TDP1: variants seen among roughly 807,000 people sequenced by gnomAD.
The protein encoded by TDP1 is tyrosyl-DNA phosphodiesterase 1.
Under a neutral mutation model 81.5 loss-of-function variants are expected in TDP1, and 64 were observed. The observed-to-expected ratio is 0.79, with a 90% CI of 0.64 to 0.97. The LOEUF (loss-of-function observed/expected upper bound fraction) is 0.97. TDP1 is among the 50% of genes least tolerant of loss of function. The pLI is 0.00. For synonymous variants in TDP1, 256 were observed against 264.3 expected, an observed-to-expected ratio of 0.97 and a Z score of 0.30; for missense variants, 723 against 743.8, an observed-to-expected ratio of 0.97 and a Z score of 0.33.
intron 16 of TDP1, among the ~76,000 whole-genome samples, chr14:90,036,733 C>T (rs1300502728): frequency 6.6e-6 from 1 of 151,978 alleles, no homozygotes; most frequent in African/African-American, 2.4e-5. Context: ...ATCAAACTTA[C>T]ATTCCTCTTC....
At chr14:90,039,879 C>A (rs1291156869) in intron 16 of TDP1, among the ~76,000 whole-genome samples, 1 of 152,094 alleles carries the variant, frequency 6.6e-6, no homozygotes, top group Non-Finnish European at 1.5e-5. Flanking sequence ...TAGTACAATC[C>A]CCAATTTCCA....
rs763611818 is a variant in TDP1, at chr14:89,967,397, G to T, written c.634G>T (p.Val212Leu). Reference sequence around the variant, plus strand: ...CTACTGCTTTGACGTGGACTGGCTCGTAAAACAGTATCCACCAGAGTTCAG... The same window carrying T: ...CTACTGCTTTGACGTGGACTGGCTCTTAAAACAGTATCCACCAGAGTTCAG... Reference protein sequence around the residue: ...FNYCFDVDWLVKQYPPEFRKK... With the variant: ...FNYCFDVDWLLKQYPPEFRKK... The change falls in exon 5 of 17, where the codon GTA becomes TTA. Residue 212 changes from valine to leucine, a missense_variant. Transcript: ENST00000335725. The T allele has an allele frequency of 1.2e-6, 2 of 1,609,752 alleles. No homozygotes were observed. The highest frequency in any genetic ancestry group is 1.3e-5 in the African/African-American group (1 of 74,750).
chr14:89,989,453 T>A lies in TDP1; in HGVS notation c.1318-264T>A, dbSNP rs368454985. 1.4e-5 allele frequency: 14 copies of A among 978,030 alleles called. No individual in the cohort carries two copies. In the East Asian group the frequency reaches 1.0e-3, roughly 72 times the overall value. 60.6% of individuals were successfully genotyped at this position (978,030 alleles called of 1,614,324 possible). On this transcript the variant is annotated intron_variant, in intron 11 of 16. Transcript: ENST00000335725. ...TTTAATTATTTAGAGAACTGTGAATTAATAATTAATTTTCCATTCAATGTT... is the reference window on the plus strand; with the variant it reads ...TTTAATTATTTAGAGAACTGTGAATAAATAATTAATTTTCCATTCAATGTT...
intron 14 of TDP1, among the ~76,000 whole-genome samples, chr14:90,011,542 G>A (rs116641621): frequency 0.039 from 5,877 of 152,224 alleles, 359 homozygotes; most frequent in African/African-American, 0.13. Context: ...TGAAGTCTAG[G>A]CTAACATGTT....
At chr14:89,998,420 A>ATGTATGTATGTATGTATG (rs1555390633) in intron 14 of TDP1, among the ~76,000 whole-genome samples, 2 of 79,284 alleles carry the variant, frequency 2.5e-5, no homozygotes, top group African/African-American at 1.3e-4. Context: ...ATATATATAT[A>ATGTATGTATGTATGTATG]TATGTATGTA....
rs745330927 is a variant in TDP1, at chr14:89,993,466, T to C, written c.1524T>C (p.Ala508=). 9 of 1,613,494 alleles carry C rather than the reference T, an allele frequency of 5.6e-6. No individual in the cohort carries two copies. Among genetic ancestry groups the C allele is most frequent in the Non-Finnish European group, 7.6e-6 (9 of 1,179,660 alleles). ...MRPSPDFSKI[A]WFLVTSANLS... ...CTTCTCCAGACTTCAGTAAAATTGC[T>C]TGGTTCCTTGTCACAAGGTAAATAG... Residue 508 remains alanine, a synonymous_variant, in exon 14 of 17, where the codon GCT becomes GCC. Coordinates refer to ENST00000335725, the MANE Select transcript of TDP1 (RefSeq NM_018319.4).
chr14:90,024,851 G>A (rs935571419), intron 15 of TDP1, among the ~76,000 whole-genome samples: 1 of 152,136 alleles, frequency 6.6e-6, no homozygotes, highest in Non-Finnish European at 1.5e-5. Context: ...TCCCTGTTCA[G>A]TACCAGCAAG....
intron 10 of TDP1, among the ~76,000 whole-genome samples, chr14:89,986,623 G>T (rs893365866): frequency 6.6e-6 from 1 of 152,222 alleles, no homozygotes; most frequent in African/African-American, 2.4e-5. Flanking sequence ...AGGCCGGCCG[G>T]TGATTAGGTG....
rs1199743375 is a variant in TDP1, at chr14:89,964,858, T to A, written c.559+1185T>A. ...TTCTCCTTTAATCCTCAGGACAGTC[T>A]TATGAGTAGATGTTACAATCGTATT... is the stretch of plus-strand genomic sequence containing the variant. On this transcript the variant is annotated intron_variant, in intron 3 of 16. Coordinates refer to ENST00000335725, the MANE Select transcript of TDP1 (RefSeq NM_018319.4). The A allele has an allele frequency of 8.9e-6, 4 of 449,284 alleles. No individual in the cohort carries two copies. In the Admixed American group the frequency reaches 9.8e-5, roughly 11 times the overall value. The allele number at this position is 449,284 out of a possible 1,614,324, so 27.8% of individuals were successfully genotyped here. A position where few individuals can be genotyped will look rare whatever the true frequency, so the allele number is the denominator to read the frequency against.
chr14:89,989,285 A>G, intron 11 of TDP1, 195 bp downstream of exon 11: 1 of 984,532 alleles, frequency 1.0e-6, no homozygotes, highest in Non-Finnish European at 1.2e-6. Flanking sequence ...TTGCCTTAAT[A>G]TCCAGTGCTA....
chr14:89,995,641 A>G (rs1384372266), intron 14 of TDP1, among the ~76,000 whole-genome samples: 4 of 152,236 alleles, frequency 2.6e-5, no homozygotes, highest in Non-Finnish European at 5.9e-5. Flanking sequence ...GGCATCTACC[A>G]GTAAGGAGCT....
chr14:89,987,538 C>T (rs1895703543), intron 10 of TDP1, among the ~76,000 whole-genome samples: 1 of 152,200 alleles, frequency 6.6e-6, no homozygotes, highest in South Asian at 2.1e-4. Flanking sequence ...GAGGAGGAAG[C>T]AAGCAGGTGG....
intron 4 of TDP1, 95 bp downstream of exon 4, chr14:89,966,285 C>A (rs1224171441): frequency 1.2e-6 from 1 of 862,266 alleles, no homozygotes; most frequent in Non-Finnish European, 2.0e-6. Context: ...GTTTGGGGAT[C>A]TCAGTCCTGT....
At chr14:89,959,787 TCA>T (rs1892115019) in intron 2 of TDP1, among the ~76,000 whole-genome samples, 10 of 152,192 alleles carry the variant, frequency 6.6e-5, no homozygotes, top group Admixed American at 6.5e-4. Flanking sequence ...TCTAAATAAT[TCA>T]CAGAGTTGCT....
rs1318940972 is a variant in TDP1, at chr14:89,963,370, G to A, written c.256G>A (p.Gly86Ser). Reference sequence around the variant, plus strand: ...GAAAAGCGGTTCCCAGGAGGACCTCGGCTGGTGTCTGTCCAGCAGTGATGA... The same window carrying A: ...GAAAAGCGGTTCCCAGGAGGACCTCAGCTGGTGTCTGTCCAGCAGTGATGA... Reference protein sequence around the residue: ...RQKSGSQEDLGWCLSSSDDEL... With the variant: ...RQKSGSQEDLSWCLSSSDDEL... The change falls in exon 3 of 17, where the codon GGC (glycine) becomes AGC (serine). Residue 86 changes from glycine to serine, a missense_variant. Coordinates refer to ENST00000335725, the MANE Select transcript of TDP1 (RefSeq NM_018319.4). 5.0e-6 allele frequency: 8 copies of A among 1,614,068 alleles called. No homozygotes were observed. The highest frequency in any genetic ancestry group is 3.3e-5 in the Admixed American group (2 of 60,012).
At chr14:90,017,861 C>T (rs536590553) in intron 14 of TDP1, among the ~76,000 whole-genome samples, 1 of 152,282 alleles carries the variant, frequency 6.6e-6, no homozygotes, top group South Asian at 2.1e-4. Flanking sequence ...TTCCTCTTCA[C>T]TTTATGTCTC....
At chr14:90,013,903 C>T (rs1035817069) in intron 14 of TDP1, among the ~76,000 whole-genome samples, 6 of 152,122 alleles carry the variant, frequency 3.9e-5, no homozygotes, top group Non-Finnish European at 5.9e-5. Context: ...GACTTGTTCC[C>T]CCTTGCCTTC....
chr14:89,982,557 AAGCTT>A (rs1432283679), intron 8 of TDP1, among the ~76,000 whole-genome samples: 2 of 152,166 alleles, frequency 1.3e-5, no homozygotes, highest in Non-Finnish European at 2.9e-5. Context: ...CTGAAGTTGG[AAGCTT>A]AGCTTACAGG....
rs530203015 is a variant in TDP1 at position 89,991,787 on chromosome 14, C to G, written c.1367-130C>G. 9.8e-5 allele frequency: 118 copies of G among 1,209,934 alleles called. No individual in the cohort carries two copies. In the African/African-American group the frequency reaches 1.7e-3, roughly 17 times the overall value. 74.9% of individuals were successfully genotyped at this position (1,209,934 alleles called of 1,614,324 possible). ...AGACATTTTCTTTCAAATAACTATT[C>G]TATAAGATGAAGTAATAGAAGTAGT... On this transcript the variant is annotated intron_variant, in intron 12 of 16. Coordinates refer to ENST00000335725, the MANE Select transcript of TDP1 (RefSeq NM_018319.4).
Sources: gnomAD v4.1 joint callset for allele counts (sites outside exome capture counted in the v4.1 genomes callset) on GRCh38, gnomAD v4.1.1 for gene constraint, MANE v1.5 for transcripts, NCBI Gene and HGNC (gene_info 2026-07-23, HGNC 2026-07-21) for gene names.